CSMD3: variants seen among roughly 807,000 people sequenced by gnomAD.
CSMD3 encodes the protein CUB and sushi domain-containing protein 3.
In CSMD3, 177 loss-of-function variants were observed where a neutral mutation model predicts 435.2. That is an observed-to-expected ratio of 0.41 (90% CI 0.36 to 0.46). CSMD3 has a LOEUF of 0.46. Among genes scored for constraint, CSMD3 ranks in the 20% least tolerant of loss-of-function variants. The probability of loss-of-function intolerance (pLI) is 0.34; values close to 1 mark genes in which losing one functional copy is unlikely to be tolerated. For synonymous variants in CSMD3, 1,656 were observed against 1,520.5 expected (o/e 1.09, Z -2.07); for missense variants, 4,265 against 4,504.6 (o/e 0.95, Z 1.52).
chr8:112,848,532 C>T (rs1227516590), intron 11 of CSMD3, among the ~76,000 whole-genome samples: 1 of 152,024 alleles, frequency 6.6e-6, no homozygotes, highest in Non-Finnish European at 1.5e-5. Flanking sequence ...GTATAATGGT[C>T]TATCTGATAA....
intron 1 of CSMD3, among the ~76,000 whole-genome samples, chr8:113,349,198 C>T (rs2094173128): frequency 6.6e-6 from 1 of 152,040 alleles, no homozygotes; most frequent in African/African-American, 2.4e-5. Flanking sequence ...ATTTTATTTA[C>T]TCCATCTACC....
chr8:112,998,403 T>C (rs1226271426), intron 6 of CSMD3, among the ~76,000 whole-genome samples: 1 of 151,900 alleles, frequency 6.6e-6, no homozygotes, highest in African/African-American at 2.4e-5. Context: ...TCTTATTCTA[T>C]ATGGTCATTT....
chr8:112,755,750 A>G (rs1416566210), intron 13 of CSMD3, among the ~76,000 whole-genome samples: 1 of 150,666 alleles, frequency 6.6e-6, no homozygotes, highest in East Asian at 1.9e-4. Flanking sequence ...TAAATGATGG[A>G]GGAAGAGGAG....
intron 1 of CSMD3, among the ~76,000 whole-genome samples, chr8:113,341,865 T>C (rs2094121236): frequency 6.6e-6 from 1 of 152,158 alleles, no homozygotes; most frequent in African/African-American, 2.4e-5. Flanking sequence ...CATATCATTC[T>C]GCATACCCAA....
intron 7 of CSMD3, among the ~76,000 whole-genome samples, chr8:112,969,727 C>A (rs920266588): frequency 6.6e-6 from 1 of 151,906 alleles, no homozygotes; most frequent in Admixed American, 6.6e-5. Context: ...AAATTTTGTA[C>A]TTAAAAACAG....
chr8:112,573,935 G>C (rs6981829), intron 23 of CSMD3, among the ~76,000 whole-genome samples: 1 of 151,626 alleles, frequency 6.6e-6, no homozygotes, highest in Admixed American at 6.6e-5. Flanking sequence ...GCTTTTTCTG[G>C]GAGACAATTT....
At chr8:113,153,948 G>C (rs918185804) in intron 4 of CSMD3, among the ~76,000 whole-genome samples, 3 of 151,932 alleles carry the variant, frequency 2.0e-5, no homozygotes, top group Non-Finnish European at 4.4e-5. Flanking sequence ...CAGTGCATGA[G>C]TCAGTTATCA....
At chr8:113,238,638 C>G (rs1461268368) in intron 3 of CSMD3, among the ~76,000 whole-genome samples, 2 of 152,110 alleles carry the variant, frequency 1.3e-5, no homozygotes, top group Non-Finnish European at 2.9e-5. Flanking sequence ...ATTCAAAAGT[C>G]TAAAGGACAC....
chr8:112,316,612 C>T (rs1372443007), intron 47 of CSMD3, among the ~76,000 whole-genome samples: 1 of 151,704 alleles, frequency 6.6e-6, no homozygotes, highest in East Asian at 1.9e-4. Context: ...ATGTTAGGCA[C>T]TGTTAAACAC....
intron 1 of CSMD3, among the ~76,000 whole-genome samples, chr8:113,385,971 T>C (rs564070588): frequency 6.6e-6 from 1 of 152,218 alleles, no homozygotes; most frequent in East Asian, 1.9e-4. Flanking sequence ...GGGACATTCA[T>C]GTTTTTCTTT....
chr8:112,404,044 G>A (rs759768914), intron 35 of CSMD3, among the ~76,000 whole-genome samples: 2 of 152,018 alleles, frequency 1.3e-5, no homozygotes, highest in Non-Finnish European at 2.9e-5. Flanking sequence ...TGTGAAATAT[G>A]CTAGGTATAT....
At chr8:112,399,506 C>T (rs1030623696) in intron 35 of CSMD3, among the ~76,000 whole-genome samples, 20 of 152,232 alleles carry the variant, frequency 1.3e-4, no homozygotes, top group African/African-American at 2.2e-4. Flanking sequence ...CTGCTCAGCT[C>T]GGCCTCCCAA....
intron 22 of CSMD3, among the ~76,000 whole-genome samples, chr8:112,593,521 C>T (rs771116815): frequency 3.9e-5 from 6 of 152,064 alleles, no homozygotes; most frequent in African/African-American, 1.2e-4. Context: ...GCCTGTTGGA[C>T]GTCAAGTAAA....
intron 1 of CSMD3, among the ~76,000 whole-genome samples, chr8:113,393,729 A>G (rs1006231629): frequency 6.6e-6 from 1 of 152,108 alleles, no homozygotes; most frequent in Non-Finnish European, 1.5e-5. Context: ...AAATAGTTTT[A>G]TTTGTGTTAA....
At chr8:113,405,838 C>A (rs892352368) in intron 1 of CSMD3, among the ~76,000 whole-genome samples, 1 of 151,754 alleles carries the variant, frequency 6.6e-6, no homozygotes, top group East Asian at 1.9e-4. Context: ...AATGTAAATG[C>A]ATGCTTCCAT....
At chr8:112,897,694 C>CTGTGTGTGTGTG (rs375797134) in intron 10 of CSMD3, among the ~76,000 whole-genome samples, 167 of 91,032 alleles carry the variant, frequency 1.8e-3, no homozygotes, top group African/African-American at 7.1e-3. Context: ...CTCTCTCTCT[C>CTGTGTGTGTGTG]TGTGTGTGTG....
chr8:112,611,043 G>T (rs948638444), intron 22 of CSMD3, among the ~76,000 whole-genome samples: 3 of 152,146 alleles, frequency 2.0e-5, no homozygotes, highest in African/African-American at 7.2e-5. Flanking sequence ...GATGTGAGAG[G>T]ATTTACTATG....
At position 112,228,875 on chromosome 8, in the gene CSMD3, T is replaced by C; in HGVS notation, c.10845A>G (p.Glu3615=). The change falls in exon 70 of 71, where the codon GAA becomes GAG. Residue 3615 remains glutamate, a synonymous_variant. Coordinates refer to ENST00000297405, the MANE Select transcript of CSMD3 (RefSeq NM_198123.2). ...GLQRLGLNMS[E]GSNSSNQPHG... The stretch of plus-strand genomic sequence containing the variant: ...GAGGTTGATTTGAAGAATTTGAACC[T>C]TCTGACATATTCAGTCCTACAAAAT... 6.5e-7 allele frequency: 1 copy of C among 1,531,746 alleles called. No individual in the cohort carries two copies. Among genetic ancestry groups the C allele is most frequent in the Non-Finnish European group, 9.0e-7 (1 of 1,106,994 alleles). 94.9% of individuals were successfully genotyped at this position (1,531,746 alleles called of 1,614,324 possible).
intron 2 of CSMD3, among the ~76,000 whole-genome samples, chr8:113,281,696 C>G (rs773386570): frequency 6.6e-6 from 1 of 151,790 alleles, no homozygotes; most frequent in Non-Finnish European, 1.5e-5. Context: ...TTGCATACAT[C>G]GTGCACTTTG....
Sources: gnomAD v4.1 joint callset for allele counts (sites outside exome capture counted in the v4.1 genomes callset) on GRCh38, gnomAD v4.1.1 for gene constraint, MANE v1.5 for transcripts, NCBI Gene and HGNC (gene_info 2026-07-23, HGNC 2026-07-21) for gene names.